The following VTI1A variants were observed in gnomAD, a reference collection of about 807,000 sequenced individuals.
VTI1A encodes vesicle transport through interaction with t-SNAREs homolog 1A.
Under a neutral mutation model 34.9 loss-of-function variants are expected in VTI1A, and 22 were observed. That is an observed-to-expected ratio of 0.63 (90% CI 0.45 to 0.90). The LOEUF is 0.90. Ranked by LOEUF, VTI1A falls within the 40% of genes least tolerant of loss-of-function variation. VTI1A has a pLI of 0.00. For synonymous variants in VTI1A, 87 were observed against 97.3 expected (o/e 0.89, Z 0.62); for missense variants, 268 against 275.6 (o/e 0.97, Z 0.20).
the VTI1A span, among the ~76,000 whole-genome samples, chr10:112,854,617 C>A: frequency 6.6e-6 from 1 of 152,150 alleles, no homozygotes; most frequent in Non-Finnish European, 1.5e-5. Flanking sequence ...TCTCAGTTCC[C>A]TCTTATGAAA....
At chr10:112,485,567 A>G (rs1002859791) in intron 3 of VTI1A, among the ~76,000 whole-genome samples, 2 of 152,232 alleles carry the variant, frequency 1.3e-5, no homozygotes, top group Admixed American at 1.3e-4. Flanking sequence ...TTTATATCTG[A>G]TGAAAGCTGA....
chr10:112,823,584 C>T (rs543903437), downstream of VTI1A: 3 of 152,328 alleles, frequency 2.0e-5, no homozygotes, highest in South Asian at 2.1e-4. Context: ...GATTGGGGCG[C>T]GTGGCTGATT....
intron 7 of VTI1A, among the ~76,000 whole-genome samples, chr10:112,744,767 T>C (rs1850832816): frequency 1.3e-5 from 2 of 152,162 alleles, no homozygotes. Context: ...TTCGATGTTG[T>C]CCCTTAGCTG....
chr10:112,557,955 G>T (rs138020526), intron 5 of VTI1A, among the ~76,000 whole-genome samples: 2 of 152,168 alleles, frequency 1.3e-5, no homozygotes, highest in Admixed American at 6.5e-5. Flanking sequence ...TAAGAACAAA[G>T]ATATTGTTCT....
chr10:112,648,513 G>A (rs183201398), intron 5 of VTI1A, among the ~76,000 whole-genome samples: 42 of 152,018 alleles, frequency 2.8e-4, no homozygotes, highest in Admixed American at 1.7e-3. Flanking sequence ...TCATCTTTAG[G>A]GTTAACCAAC....
At chr10:112,455,112 T>C (rs972067352) in intron 1 of VTI1A, among the ~76,000 whole-genome samples, 8 of 149,582 alleles carry the variant, frequency 5.3e-5, no homozygotes, top group Non-Finnish European at 3.0e-5. Flanking sequence ...CAAAACTTCG[T>C]GTTGGTAGGT....
chr10:112,828,720 C>G, the VTI1A span, among the ~76,000 whole-genome samples: 2 of 151,300 alleles, frequency 1.3e-5, no homozygotes, highest in African/African-American at 4.9e-5. Flanking sequence ...TATTTTTTAA[C>G]AATAAATAGA....
intron 3 of VTI1A, among the ~76,000 whole-genome samples, chr10:112,523,778 C>T (rs1374659898): frequency 6.6e-6 from 1 of 152,062 alleles, no homozygotes; most frequent in Non-Finnish European, 1.5e-5. Flanking sequence ...GCCTGGTTAG[C>T]TTATGTATAG....
At chr10:112,777,779 A>G (rs531502779) in intron 7 of VTI1A, among the ~76,000 whole-genome samples, 2 of 152,280 alleles carry the variant, frequency 1.3e-5, no homozygotes, top group Middle Eastern at 3.4e-3. Context: ...CCATTTTGTC[A>G]TTTAACTTTC....
chr10:112,558,654 A>G (rs559994091), intron 5 of VTI1A, among the ~76,000 whole-genome samples: 75 of 152,234 alleles, frequency 4.9e-4, no homozygotes, highest in Non-Finnish European at 9.7e-4. Flanking sequence ...TGCTGGGCAT[A>G]TACCAGCTCC....
intron 3 of VTI1A, among the ~76,000 whole-genome samples, chr10:112,489,567 T>TA (rs1392382960): frequency 1.3e-5 from 2 of 152,222 alleles, no homozygotes; most frequent in Non-Finnish European, 2.9e-5. Flanking sequence ...TTGGGATGAC[T>TA]AAAAAAGGTT....
chr10:112,652,288 T>TTTTCC (rs1847061530), intron 5 of VTI1A, among the ~76,000 whole-genome samples: 1 of 152,196 alleles, frequency 6.6e-6, no homozygotes, highest in Non-Finnish European at 1.5e-5. Flanking sequence ...ACTAGAGCGG[T>TTTTCC]ACACTTCAGT....
At chr10:112,761,308 A>T (rs1851455491) in intron 7 of VTI1A, among the ~76,000 whole-genome samples, 3 of 152,232 alleles carry the variant, frequency 2.0e-5, no homozygotes, top group Non-Finnish European at 4.4e-5. Context: ...AGCTGTCTTA[A>T]AAACACAGAT....
intron 5 of VTI1A, among the ~76,000 whole-genome samples, chr10:112,598,794 T>G (rs1386538115): frequency 6.6e-6 from 1 of 152,210 alleles, no homozygotes; most frequent in Admixed American, 6.5e-5. Context: ...ATTGATTTTC[T>G]ACGTGTGGTA....
chr10:112,528,607 G>C (rs371276422), intron 4 of VTI1A, among the ~76,000 whole-genome samples: 1 of 152,112 alleles, frequency 6.6e-6, no homozygotes, highest in African/African-American at 2.4e-5. Flanking sequence ...ATTTTCTTCT[G>C]TTTTTAAAGT....
At chr10:112,499,580 C>G (rs1247697987) in intron 3 of VTI1A, among the ~76,000 whole-genome samples, 9 of 152,206 alleles carry the variant, frequency 5.9e-5, no homozygotes, top group African/African-American at 2.2e-4. Flanking sequence ...TTTCACATGT[C>G]CCAGTCCTAC....
intron 7 of VTI1A, among the ~76,000 whole-genome samples, chr10:112,719,562 T>G (rs1368035406): frequency 1.3e-5 from 2 of 152,156 alleles, no homozygotes; most frequent in African/African-American, 2.4e-5. Flanking sequence ...TTTTTTTTTT[T>G]TGAGGCAGAG....
chr10:112,787,699 T>C (rs1344033542), intron 7 of VTI1A, among the ~76,000 whole-genome samples: 1 of 39,530 alleles, frequency 2.5e-5, no homozygotes, highest in African/African-American at 1.6e-4. Flanking sequence ...TTTTCTTTTC[T>C]TTTTTTTTTT....
At chr10:112,625,936 G>T (rs915080142) in intron 5 of VTI1A, among the ~76,000 whole-genome samples, 3 of 152,142 alleles carry the variant, frequency 2.0e-5, no homozygotes, top group Admixed American at 2.0e-4. Context: ...AATAAGTCAC[G>T]TAAAGCACTT....
Sources: allele counts gnomAD v4.1 joint callset (sites outside exome capture counted in the v4.1 genomes callset), GRCh38; gene constraint gnomAD v4.1.1; transcripts MANE v1.5; gene names NCBI Gene and HGNC (gene_info 2026-07-23, HGNC 2026-07-21).